Variants in TUFT1 observed in about 807,000 individuals in gnomAD.
The protein encoded by TUFT1 is tuftelin.
A neutral mutation model predicts 57.8 loss-of-function variants in TUFT1; 43 were observed. That is an observed-to-expected ratio of 0.74 (90% CI 0.58 to 0.96). TUFT1 has a LOEUF of 0.96. TUFT1 is among the 40% of genes least tolerant of loss of function. The probability of loss-of-function intolerance (pLI) is 0.00; values close to 1 mark genes in which losing one functional copy is unlikely to be tolerated. For missense variants in TUFT1, 459 were observed against 489.0 expected (o/e 0.94, Z 0.58); for synonymous variants, 166 against 176.7 (o/e 0.94, Z 0.48).
In TUFT1 at chr1:151,579,664, G is replaced by A. The variant is rs1258058420; in HGVS notation, c.940G>A (p.Ala314Thr). The change falls in exon 11 of 13, where the codon GCT (alanine) becomes ACT (threonine). Residue 314 changes from alanine to threonine, a missense_variant. Transcript: ENST00000368849. ...QMIEQLQNSK[A>T]VIQSKDATIQ... ...ACCTTTGCAGCTCCAGAATTCAAAA[G>A]CTGTGATCCAGTCAAAGGACGCCAC... 1 of 1,614,048 alleles carries A rather than the reference G, an allele frequency of 6.2e-7. No individual in the cohort carries two copies. Among genetic ancestry groups the A allele is most frequent in the Admixed American group, 1.7e-5 (1 of 60,022 alleles).
At position 151,574,983 on chromosome 1, in the gene TUFT1, G is replaced by C; in HGVS notation, c.796G>C (p.Asp266His). 1 of 1,569,236 alleles carries C rather than the reference G, an allele frequency of 6.4e-7. No homozygotes were observed. Residue 266 changes from aspartate to histidine, a missense_variant, in exon 9 of 13, where the codon GAC becomes CAC. Physicochemically the swap from Asp to His is moderately conservative, Grantham distance 81. Coordinates refer to ENST00000368849, the MANE Select transcript of TUFT1 (RefSeq NM_020127.3). ...ALEELRSNNA[D>H]CQAEREKAAT... ...AGAGGAACTTCGGAGCAACAATGCT[G>C]ACTGCCAAGCAGAACGAGAAAAGTA...
At position 151,562,266 on chromosome 1, in the gene TUFT1, C is replaced by A; in HGVS notation, c.135+101C>A. 11 of 1,058,982 alleles carry A rather than the reference C, an allele frequency of 1.0e-5. No individual in the cohort carries two copies. In the South Asian group the frequency reaches 1.3e-4, roughly 12 times the overall value. The allele number at this position is 1,058,982 out of a possible 1,614,324, so 65.6% of individuals were successfully genotyped here. On this transcript the variant is annotated intron_variant, in intron 2 of 12. Transcript: ENST00000368849. Reference sequence around the variant, plus strand: ...CTGCCTGGAGCCGACTCTGGTGATGCGAGCGTGGGAGCCCCTCCTTTCAGC... The same window carrying A: ...CTGCCTGGAGCCGACTCTGGTGATGAGAGCGTGGGAGCCCCTCCTTTCAGC...
chr1:151,570,433 C>T (rs1207454491), intron 7 of TUFT1, among the ~76,000 whole-genome samples: 1 of 152,096 alleles, frequency 6.6e-6, no homozygotes, highest in Non-Finnish European at 1.5e-5. Context: ...AGGCATGCGC[C>T]ACCATGCCCA....
At chr1:151,576,885 A>G (rs911424380) in intron 9 of TUFT1, among the ~76,000 whole-genome samples, 1 of 152,124 alleles carries the variant, frequency 6.6e-6, no homozygotes, top group Admixed American at 6.5e-5. Flanking sequence ...TTGACCTCCC[A>G]AAGTGCTGGG....
chr1:151,563,679 A>G (rs1030048364), intron 3 of TUFT1, among the ~76,000 whole-genome samples: 5 of 152,238 alleles, frequency 3.3e-5, no homozygotes, highest in Non-Finnish European at 7.3e-5. Context: ...CAATACAGCT[A>G]TATAGCATTG....
At chr1:151,578,072 T>C (rs1039822296) in intron 9 of TUFT1, among the ~76,000 whole-genome samples, 8 of 152,044 alleles carry the variant, frequency 5.3e-5, no homozygotes, top group African/African-American at 1.9e-4. Context: ...TCCTAGCTTC[T>C]ACTTGAATCT....
intron 9 of TUFT1, among the ~76,000 whole-genome samples, chr1:151,578,080 T>C (rs1007430363): frequency 6.6e-6 from 1 of 151,786 alleles, no homozygotes; most frequent in African/African-American, 2.4e-5. Flanking sequence ...TCTACTTGAA[T>C]CTTTCCAGTA....
chr1:151,549,260 C>T (rs189687597), intron 1 of TUFT1, among the ~76,000 whole-genome samples: 3 of 152,304 alleles, frequency 2.0e-5, no homozygotes, highest in African/African-American at 7.2e-5. Context: ...GGAGCCTGCT[C>T]ATAGTCCTGA....
intron 2 of TUFT1, 46 bp from the exon 3 acceptor site, chr1:151,562,539 G>A (rs767337898): frequency 2.0e-6 from 3 of 1,487,566 alleles, no homozygotes; most frequent in South Asian, 1.2e-5. Flanking sequence ...TGTGGTGTCT[G>A]AGCCATCTCT....
chr1:151,540,753 A>T, intron 1 of TUFT1: 1 of 307,736 alleles, frequency 3.2e-6, no homozygotes, highest in Non-Finnish European at 6.2e-6. Context: ...GGGTCATAAG[A>T]GAATGAGCTC....
chr1:151,549,405 C>G (rs1665442103), intron 1 of TUFT1, among the ~76,000 whole-genome samples: 1 of 152,178 alleles, frequency 6.6e-6, no homozygotes, highest in Admixed American at 6.5e-5. Flanking sequence ...TTCTCCAGTT[C>G]TGGAGGATGA....
rs188236235 is a variant in TUFT1, at chr1:151,574,143, C to T, written c.595-127C>T. The T allele has an allele frequency of 1.4e-4, 157 of 1,128,276 alleles. No individual in the cohort carries two copies. In the Admixed American group the frequency reaches 2.4e-3, roughly 17 times the overall value. 69.9% of individuals were successfully genotyped at this position (1,128,276 alleles called of 1,614,324 possible). On this transcript the variant is annotated intron_variant, in intron 7 of 12. Coordinates refer to ENST00000368849, the MANE Select transcript of TUFT1 (RefSeq NM_020127.3). ...GAAGGGGAGGTGGTGGTGAGCCCAT[C>T]AGTGTCACCACCTTTCTCCCGTCAT... is the stretch of plus-strand genomic sequence containing the variant.
chr1:151,560,959 TG>T (rs1558007232), intron 1 of TUFT1, among the ~76,000 whole-genome samples: 15 of 14,600 alleles, frequency 1.0e-3, no homozygotes, highest in Admixed American at 3.0e-3. Context: ...CAAAGTATTG[TG>T]TGTGTGTGTG....
rs781736633 is a variant in TUFT1 at position 151,562,606 on chromosome 1, A to G, written c.157A>G (p.Met53Val). The G allele has an allele frequency of 8.7e-6, 14 of 1,612,266 alleles. No homozygotes were observed. In the African/African-American group the frequency reaches 1.5e-4, roughly 17 times the overall value. ...AQKAGRKTYAMVSSHSAGHSL... is the reference protein window; with the variant it reads ...AQKAGRKTYAVVSSHSAGHSL... The stretch of plus-strand genomic sequence containing the variant: ...CCAGGCGGGCAGGAAGACCTATGCC[A>G]TGGTGTCCAGCCACTCAGCTGGTCA... Residue 53 changes from methionine to valine, a missense_variant, in exon 3 of 13, where the codon ATG becomes GTG. Coordinates refer to ENST00000368849, the MANE Select transcript of TUFT1 (RefSeq NM_020127.3).
chr1:151,567,272 G>A (rs530809412), intron 6 of TUFT1, among the ~76,000 whole-genome samples: 1 of 152,094 alleles, frequency 6.6e-6, no homozygotes, highest in Non-Finnish European at 1.5e-5. Flanking sequence ...GGAGTGCAGT[G>A]GTGCAGTCAT....
chr1:151,567,006 C>A (rs1361363752), intron 6 of TUFT1, among the ~76,000 whole-genome samples: 1 of 151,464 alleles, frequency 6.6e-6, no homozygotes, highest in Non-Finnish European at 1.5e-5. Flanking sequence ...GCAGCCTCGA[C>A]CCCCGGGGTT....
intron 1 of TUFT1, among the ~76,000 whole-genome samples, chr1:151,560,194 GATC>G (rs1258207937): frequency 6.7e-6 from 1 of 149,996 alleles, no homozygotes; most frequent in Non-Finnish European, 1.5e-5. Context: ...GAGGCGGGAG[GATC>G]ACAAAGTCAG....
intron 9 of TUFT1, among the ~76,000 whole-genome samples, chr1:151,577,753 C>T (rs11807809): frequency 0.56 from 85,441 of 151,980 alleles, 26,053 homozygotes; most frequent in Middle Eastern, 0.71. Flanking sequence ...CTGGGCATGG[C>T]GGCTCACACC....
At chr1:151,556,366 T>TCCCTTCCCTTCCTTTCTCCTC in intron 1 of TUFT1, among the ~76,000 whole-genome samples, 1 of 148,944 alleles carries the variant, frequency 6.7e-6, no homozygotes, top group Non-Finnish European at 1.5e-5. Context: ...CTCCCTGCCT[T>TCCCTTCCCTTCCTTTCTCCTC]CCCTTCCCTT....
Sources: allele counts gnomAD v4.1 joint callset (sites outside exome capture counted in the v4.1 genomes callset), GRCh38; gene constraint gnomAD v4.1.1; transcripts MANE v1.5; gene names NCBI Gene and HGNC (gene_info 2026-07-23, HGNC 2026-07-21).